The following GUCY2F variants were observed in gnomAD, a reference collection of about 807,000 sequenced individuals.
The protein encoded by GUCY2F is guanylate cyclase 2F, retinal.
A neutral mutation model predicts 73.1 loss-of-function variants in GUCY2F; 61 were observed. The ratio of observed to expected loss-of-function variants is 0.83; its 90% CI spans 0.68 to 1.03. The LOEUF (loss-of-function observed/expected upper bound fraction) is 1.03. GUCY2F is among the 50% of genes least tolerant of loss of function. The probability of loss-of-function intolerance (pLI) is 0.00; values close to 1 mark genes in which losing one functional copy is unlikely to be tolerated. For synonymous variants in GUCY2F, 331 were observed against 307.8 expected (o/e 1.08, Z -0.79); for missense variants, 912 against 854.3 (o/e 1.07, Z -0.84).
chrX:109,373,734 A>G (rs188581490), intron 19 of GUCY2F, among the ~76,000 whole-genome samples: 163 of 112,509 alleles, frequency 1.4e-3, no homozygotes, highest in Non-Finnish European at 2.7e-3. Flanking sequence ...ATTGTTTCTC[A>G]CCCTCAAAAA....
At position 109,478,016 on chromosome X, in the gene GUCY2F, G is replaced by T. The variant is rs187945853; in HGVS notation, c.-85-1995C>A. Among the ~76,000 whole-genome samples, 4 of 111,857 alleles carry T rather than the reference G, an allele frequency of 3.6e-5. No individual in the cohort carries two copies. The Admixed American group carries it at 3.8e-4, about 11-fold the overall frequency. On this transcript the variant is annotated intron_variant, in intron 1 of 19. Coordinates refer to ENST00000218006, the MANE Select transcript of GUCY2F (RefSeq NM_001522.3). ...TGGCTGAGGGGTGTGTGGGATGGGG[G>T]AGGACTTCTAACTTTGCTTTGGGGA...
chrX:109,460,696 G>T (rs1313765820), intron 3 of GUCY2F, among the ~76,000 whole-genome samples: 1 of 111,680 alleles, frequency 9.0e-6, no homozygotes, highest in Non-Finnish European at 1.9e-5. Context: ...AGAAGAGAAA[G>T]AAAGAGGCGT....
At chrX:109,443,063 A>G (rs1931911406) in intron 6 of GUCY2F, among the ~76,000 whole-genome samples, 1 of 111,943 alleles carries the variant, frequency 8.9e-6, no homozygotes, top group Non-Finnish European at 1.9e-5. Flanking sequence ...ACTTTCAGAC[A>G]TTCCGTTTGG....
chrX:109,479,880 A>G (rs188487175), intron 1 of GUCY2F, among the ~76,000 whole-genome samples: 6 of 111,136 alleles, frequency 5.4e-5, no homozygotes, highest in African/African-American at 1.6e-4. Flanking sequence ...AAGACTAACT[A>G]CAAAAAAAAA....
At chrX:109,467,880 C>G (rs1460849209) in intron 2 of GUCY2F, among the ~76,000 whole-genome samples, 1 of 112,422 alleles carries the variant, frequency 8.9e-6, no homozygotes, top group Non-Finnish European at 1.9e-5. Context: ...GAAGATCTGA[C>G]TGTTAAACAA....
intron 17 of GUCY2F, among the ~76,000 whole-genome samples, chrX:109,380,309 C>A (rs1457370400): frequency 1.8e-5 from 2 of 111,663 alleles, no homozygotes; most frequent in Non-Finnish European, 3.8e-5. Flanking sequence ...CTGAAGTGTG[C>A]TGGCGACATG....
At chrX:109,473,481 G>T (rs1017199724) in intron 2 of GUCY2F, among the ~76,000 whole-genome samples, 2 of 111,996 alleles carry the variant, frequency 1.8e-5, no homozygotes, top group Non-Finnish European at 3.8e-5. Context: ...CCTTTGCTGG[G>T]ACCCACCACA....
In GUCY2F at chrX:109,398,550, T is replaced by C; in HGVS notation, c.2274A>G (p.Gln758=). The stretch of plus-strand genomic sequence containing the variant: ...GCCCTTTTCTCACCTCCCGCTTACC[T>C]TGAGCTGGCAGATCCATCATGCAGA... ...TPFCMMDLPA[Q]EIINRLKKPP... is the part of the protein sequence containing the mutation. The change falls in exon 11 of 20, where the codon CAA becomes CAG. Residue 758 remains glutamine, a splice_region_variant and synonymous_variant. Transcript: ENST00000218006. 1 of 1,208,321 alleles carries C rather than the reference T, an allele frequency of 8.3e-7. No individual in the cohort carries two copies. The highest frequency in any genetic ancestry group is 1.8e-5 in the South Asian group (1 of 56,373).
chrX:109,459,508 C>T (rs962953356), intron 3 of GUCY2F, among the ~76,000 whole-genome samples: 1 of 111,421 alleles, frequency 9.0e-6, no homozygotes, highest in African/African-American at 3.3e-5. Context: ...TAAATTGATT[C>T]AGAGCAGCTC....
intron 3 of GUCY2F, among the ~76,000 whole-genome samples, chrX:109,459,240 A>G (rs762983945): frequency 6.3e-5 from 7 of 111,858 alleles, no homozygotes; most frequent in Non-Finnish European, 1.1e-4. Context: ...AAAAGTTGCT[A>G]CAAACATGGC....
intron 6 of GUCY2F, among the ~76,000 whole-genome samples, chrX:109,446,774 T>C (rs2147274899): frequency 9.0e-6 from 1 of 111,638 alleles, no homozygotes; most frequent in Admixed American, 9.5e-5. Context: ...AATACACAAA[T>C]GGGATCTAAT....
chrX:109,432,012 G>A (rs1027882654), intron 7 of GUCY2F, among the ~76,000 whole-genome samples: 1 of 111,254 alleles, frequency 9.0e-6, no homozygotes, highest in African/African-American at 3.3e-5. Context: ...AATGGTCAAA[G>A]CATTTGATCC....
At chrX:109,416,211 G>A (rs1030424571) in intron 8 of GUCY2F, among the ~76,000 whole-genome samples, 1 of 110,625 alleles carries the variant, frequency 9.0e-6, no homozygotes, top group Admixed American at 9.6e-5. Context: ...AAAAAAAAAG[G>A]TCAATAGAAA....
intron 3 of GUCY2F, among the ~76,000 whole-genome samples, chrX:109,461,426 A>G (rs1932359044): frequency 8.9e-6 from 1 of 112,553 alleles, no homozygotes; most frequent in African/African-American, 3.2e-5. Flanking sequence ...AAGCAAGGGT[A>G]CAAATTAAGA....
At position 109,420,350 on chromosome X, in the gene GUCY2F, GAAAA is replaced by G. The variant is rs200934824; in HGVS notation, c.1791+9953_1791+9956del. Among the ~76,000 whole-genome samples the G allele has an allele frequency of 5.3e-3, 539 of 101,046 alleles. 7 individuals carry two copies. Among genetic ancestry groups the G allele is most frequent in the African/African-American group, 0.018 (490 of 27,713 alleles). The allele number at this position is 101,046 out of a possible 115,157, so 87.7% of individuals were successfully genotyped here. A position where few individuals can be genotyped will look rare whatever the true frequency, so the allele number is the denominator to read the frequency against. On this transcript the variant is annotated intron_variant, in intron 8 of 19. Coordinates refer to ENST00000218006, the MANE Select transcript of GUCY2F (RefSeq NM_001522.3). ...GAAGAGAGAAAGAGAAAGAAAGAAA[GAAAA>G]AGAAAGAGAGAGAGAGAGAAAGACA...
chrX:109,410,933 A>T (rs1053706568), intron 8 of GUCY2F, among the ~76,000 whole-genome samples: 1 of 111,450 alleles, frequency 9.0e-6, no homozygotes, highest in Non-Finnish European at 1.9e-5. Context: ...TAAATACCAG[A>T]CTGGAGAAAT....
chrX:109,394,199 A>C (rs1055271350), intron 12 of GUCY2F, among the ~76,000 whole-genome samples: 1 of 111,989 alleles, frequency 8.9e-6, no homozygotes, highest in African/African-American at 3.2e-5. Flanking sequence ...AGCTATAGCA[A>C]TGTCTTGTTT....
intron 9 of GUCY2F, among the ~76,000 whole-genome samples, chrX:109,405,681 A>C (rs185260233): frequency 4.5e-5 from 5 of 111,683 alleles, no homozygotes; most frequent in African/African-American, 9.7e-5. Context: ...TACAGTGGGC[A>C]AGATTCCCCC....
rs1328927482 is a variant in GUCY2F at position 109,475,132 on chromosome X, G to A, written c.730+75C>T. On this transcript the variant is annotated intron_variant, in intron 2 of 19. Transcript: ENST00000218006. ...GGGATGTGCTACCCTAGGGTGTGAG[G>A]GTAGGAAACCTTTTGGAGATTGTAA... The A allele has an allele frequency of 3.9e-6, 4 of 1,025,151 alleles. No homozygotes were observed. In the African/African-American group the frequency reaches 7.6e-5, roughly 19 times the overall value. 84.5% of individuals were successfully genotyped at this position (1,025,151 alleles called of 1,213,427 possible). A position where few individuals can be genotyped will look rare whatever the true frequency, so the allele number is the denominator to read the frequency against.
Sources: gnomAD v4.1 joint callset for allele counts (sites outside exome capture counted in the v4.1 genomes callset) on GRCh38, gnomAD v4.1.1 for gene constraint, MANE v1.5 for transcripts, NCBI Gene and HGNC (gene_info 2026-07-23, HGNC 2026-07-21) for gene names.